The following FOXO1 variants were observed in gnomAD, a reference collection of about 807,000 sequenced individuals.
FOXO1 encodes the protein forkhead box protein O1.
In FOXO1, 6 loss-of-function variants were observed where a neutral mutation model predicts 44.1. That is an observed-to-expected ratio of 0.14 (90% CI 0.07 to 0.27). The LOEUF is 0.27. FOXO1 is among the 10% of genes least tolerant of loss of function. The pLI is 1.00. For missense variants in FOXO1, 737 were observed against 888.8 expected (o/e 0.83, Z 2.17); for synonymous variants, 380 against 362.7 (o/e 1.05, Z -0.54).
chr13:40,652,390 A>C (rs534340220), intron 1 of FOXO1, among the ~76,000 whole-genome samples: 2 of 149,630 alleles, frequency 1.3e-5, no homozygotes, highest in African/African-American at 4.9e-5. Context: ...AGGGTCCGCC[A>C]ACACGCCTGG....
At chr13:40,610,726 A>G (rs539760588) in intron 1 of FOXO1, among the ~76,000 whole-genome samples, 21 of 152,388 alleles carry the variant, frequency 1.4e-4, no homozygotes, top group Admixed American at 2.0e-4. Flanking sequence ...AAGAAAAAGC[A>G]TGTTTCAATA....
At chr13:40,585,956 G>T (rs1408793999) in intron 1 of FOXO1, among the ~76,000 whole-genome samples, 1 of 152,176 alleles carries the variant, frequency 6.6e-6, no homozygotes, top group African/African-American at 2.4e-5. Context: ...CCAAATCATT[G>T]TGTGTTCAAG....
At chr13:40,651,098 G>GT (rs67417437) in intron 1 of FOXO1, among the ~76,000 whole-genome samples, 118 of 149,232 alleles carry the variant, frequency 7.9e-4, no homozygotes, top group African/African-American at 2.9e-3. Flanking sequence ...TTTGTTTTTT[G>GT]TTTTTTGTTT....
At chr13:40,566,056 C>T (rs1480036633) in intron 1 of FOXO1, among the ~76,000 whole-genome samples, 3 of 152,226 alleles carry the variant, frequency 2.0e-5, no homozygotes, top group African/African-American at 7.2e-5. Context: ...TTTAAGTCTT[C>T]TCAAGGTGCT....
chr13:40,597,338 TTC>T (rs1875619521), intron 1 of FOXO1, among the ~76,000 whole-genome samples: 1 of 152,214 alleles, frequency 6.6e-6, no homozygotes, highest in African/African-American at 2.4e-5. Context: ...TTGGAGCCTG[TTC>T]TCTTATTTTC....
chr13:40,664,281 G>A (rs1183038659), intron 1 of FOXO1, among the ~76,000 whole-genome samples: 1 of 152,170 alleles, frequency 6.6e-6, no homozygotes. Context: ...CGGAGGAGGG[G>A]AGGGAGGTGT....
intron 1 of FOXO1, among the ~76,000 whole-genome samples, chr13:40,603,602 A>G (rs1246804902): frequency 6.6e-6 from 1 of 152,104 alleles, no homozygotes; most frequent in African/African-American, 2.4e-5. Flanking sequence ...CTAAACCCAC[A>G]GTATATTGTC....
intron 1 of FOXO1, among the ~76,000 whole-genome samples, chr13:40,605,113 T>C (rs542905903): frequency 2.6e-4 from 39 of 151,858 alleles, no homozygotes; most frequent in Non-Finnish European, 4.9e-4. Context: ...ATATATAAAA[T>C]ACATATAAAT....
At chr13:40,612,921 G>A (rs190413638) in intron 1 of FOXO1, among the ~76,000 whole-genome samples, 6 of 152,246 alleles carry the variant, frequency 3.9e-5, no homozygotes, top group Non-Finnish European at 1.5e-5. Context: ...TATAAAGGAG[G>A]ACTACTGTGT....
intron 1 of FOXO1, chr13:40,620,417 G>T (rs1485798116): frequency 1.5e-6 from 1 of 660,180 alleles, no homozygotes; most frequent in African/African-American, 1.8e-5. Context: ...TTCTTCCTAG[G>T]ATTTCTGAGA....
At chr13:40,619,195 G>C in intron 1 of FOXO1, 1 of 359,380 alleles carries the variant, frequency 2.8e-6, no homozygotes, top group Non-Finnish European at 5.3e-6. Flanking sequence ...TCAGGAGGCT[G>C]AGGCAGGAGA....
chr13:40,648,950 G>A (rs1232436885), intron 1 of FOXO1, among the ~76,000 whole-genome samples: 1 of 152,252 alleles, frequency 6.6e-6, no homozygotes, highest in Non-Finnish European at 1.5e-5. Context: ...AGCCGTTGAT[G>A]TGATGTGCCT....
chr13:40,592,889 G>A (rs1200276928), intron 1 of FOXO1, among the ~76,000 whole-genome samples: 3 of 152,146 alleles, frequency 2.0e-5, no homozygotes, highest in African/African-American at 7.2e-5. Flanking sequence ...ATAATTAAAG[G>A]TATATGGTTT....
At position 40,666,492 on chromosome 13, in the gene FOXO1, T is replaced by C. The variant is rs1379556959; in HGVS notation, c.-280A>G. The stretch of plus-strand genomic sequence containing the variant: ...GGCCGGGGCAGAGCCTGCGCCGCGC[T>C]CCAGCTGACAGGGCCGCGGACGGAA... On this transcript the variant is annotated 5_prime_UTR_variant, in exon 1 of 3. Transcript: ENST00000379561. 2 of 333,700 alleles carry C rather than the reference T, an allele frequency of 6.0e-6. No homozygotes were observed. Among genetic ancestry groups the C allele is most frequent in the Non-Finnish European group, 1.1e-5 (2 of 183,958 alleles). 20.7% of individuals were successfully genotyped at this position (333,700 alleles called of 1,614,324 possible). A position where few individuals can be genotyped will look rare whatever the true frequency, so the allele number is the denominator to read the frequency against.
intron 1 of FOXO1, among the ~76,000 whole-genome samples, chr13:40,592,133 C>A (rs1328923057): frequency 6.6e-6 from 1 of 152,190 alleles, no homozygotes; most frequent in East Asian, 1.9e-4. Flanking sequence ...CCCATCAACA[C>A]AACCTGTATA....
intron 1 of FOXO1, chr13:40,620,146 C>T: frequency 6.9e-7 from 1 of 1,446,178 alleles, no homozygotes; most frequent in South Asian, 1.1e-5. Flanking sequence ...TAATTCAAGA[C>T]TTATGTCAAG....
intron 1 of FOXO1, among the ~76,000 whole-genome samples, chr13:40,567,156 A>G (rs1178216556): frequency 6.6e-6 from 1 of 151,808 alleles, no homozygotes; most frequent in Admixed American, 6.6e-5. Context: ...GGGTCTCCAC[A>G]CCACTGCTAC....
In FOXO1 at chr13:40,651,645, T is replaced by C. The variant is rs192130979; in HGVS notation, c.630+13938A>G. ...CAGAAAGACTTCATGTTAATACAAATACATGACATACAAATATACATCTAA... is the reference window on the plus strand; with the variant it reads ...CAGAAAGACTTCATGTTAATACAAACACATGACATACAAATATACATCTAA... On this transcript the variant is annotated intron_variant, in intron 1 of 2. Coordinates refer to ENST00000379561, the MANE Select transcript of FOXO1 (RefSeq NM_002015.4). Among the ~76,000 whole-genome samples, 288 of 151,936 alleles carry C rather than the reference T, an allele frequency of 1.9e-3. 1 individual carries two copies. The highest frequency in any genetic ancestry group is 6.7e-3 in the African/African-American group (280 of 41,498).
chr13:40,593,480 T>C (rs1192305789), intron 1 of FOXO1, among the ~76,000 whole-genome samples: 1 of 152,222 alleles, frequency 6.6e-6, no homozygotes, highest in African/African-American at 2.4e-5. Context: ...GTCTTCTTCC[T>C]AGGTAATCTA....
Sources: gnomAD v4.1 joint callset for allele counts (sites outside exome capture counted in the v4.1 genomes callset) on GRCh38, gnomAD v4.1.1 for gene constraint, MANE v1.5 for transcripts, NCBI Gene and HGNC (gene_info 2026-07-23, HGNC 2026-07-21) for gene names.